The following MID1 variants were observed in gnomAD, a reference collection of about 807,000 sequenced individuals.
The protein encoded by MID1 is midline 1.
MID1 carries 7 observed loss-of-function variants against 40.4 expected under a neutral mutation model. That is an observed-to-expected ratio of 0.17 (90% CI 0.10 to 0.33). MID1 has a LOEUF of 0.33. MID1 is among the 10% of genes least tolerant of loss of function. MID1 has a pLI of 1.00. For missense variants in MID1, 367 were observed against 558.5 expected, an observed-to-expected ratio of 0.66 and a Z score of 3.46; for synonymous variants, 229 against 221.2, an observed-to-expected ratio of 1.04 and a Z score of -0.31.
chrX:10,750,657 T>A (rs1038527868), intron 1 of MID1, among the ~76,000 whole-genome samples: 3 of 108,918 alleles, frequency 2.8e-5, no homozygotes, highest in Non-Finnish European at 5.7e-5. Flanking sequence ...AAAATAAAAA[T>A]AAAATAAAAT....
In MID1 at chrX:10,766,193, G is replaced by A. The variant is rs190581565; in HGVS notation, c.-187+67361C>T. 5.9e-3 allele frequency among the ~76,000 whole-genome samples: 656 copies of A among 111,711 alleles called. 4 individuals are homozygous for A. Among genetic ancestry groups the A allele is most frequent in the African/African-American group, 0.02 (622 of 30,766 alleles). On this transcript the variant is annotated intron_variant, in intron 1 of 10. Transcript: ENST00000380785. ...GCCCCATCGGCTCTGCCTCTGTCTT[G>A]GGCAGACAGTTGGTCATCTCAAGCT...
At chrX:10,548,001 G>C (rs1933763465) in intron 2 of MID1, among the ~76,000 whole-genome samples, 1 of 112,044 alleles carries the variant, frequency 8.9e-6, no homozygotes, top group Non-Finnish European at 1.9e-5. Flanking sequence ...ACATTTGCCA[G>C]TACCTTCTAA....
At chrX:10,786,039 A>T (rs1223360094) in intron 1 of MID1, among the ~76,000 whole-genome samples, 1 of 111,666 alleles carries the variant, frequency 9.0e-6, no homozygotes. Context: ...CAACCTACAG[A>T]ATGGGAGAAA....
At chrX:10,661,185 G>A (rs2071937678) in intron 1 of MID1, among the ~76,000 whole-genome samples, 1 of 111,838 alleles carries the variant, frequency 8.9e-6, no homozygotes, top group African/African-American at 3.3e-5. Context: ...TGACAATACT[G>A]TGTCAAAGTC....
chrX:10,678,826 C>T (rs1399848023), intron 1 of MID1, among the ~76,000 whole-genome samples: 10 of 111,862 alleles, frequency 8.9e-5, no homozygotes, highest in African/African-American at 2.9e-4. Flanking sequence ...AAAACTACAC[C>T]GAAGTATAAT....
At chrX:10,815,769 T>C (rs1045420100) in intron 1 of MID1, among the ~76,000 whole-genome samples, 7 of 112,547 alleles carry the variant, frequency 6.2e-5, no homozygotes, top group Non-Finnish European at 1.1e-4. Flanking sequence ...TCTAAAGCCT[T>C]TCCTGACACG....
At chrX:10,777,487 A>G (rs1483428906) in intron 1 of MID1, among the ~76,000 whole-genome samples, 2 of 108,260 alleles carry the variant, frequency 1.8e-5, no homozygotes, top group African/African-American at 3.4e-5. Flanking sequence ...TTGAGCCACC[A>G]CACCAGGCCT....
chrX:10,600,048 C>T (rs895704386), intron 1 of MID1, among the ~76,000 whole-genome samples: 4 of 112,026 alleles, frequency 3.6e-5, no homozygotes, highest in African/African-American at 1.3e-4. Flanking sequence ...ACCCTAGGCC[C>T]CATGAAGGCA....
At chrX:10,464,626 A>G (rs1318907921) in intron 7 of MID1, among the ~76,000 whole-genome samples, 2 of 111,992 alleles carry the variant, frequency 1.8e-5, no homozygotes, top group African/African-American at 6.5e-5. Flanking sequence ...TCAGGGTGAG[A>G]GCAGACTTGA....
chrX:10,770,980 C>G (rs1479169342), intron 1 of MID1, among the ~76,000 whole-genome samples: 1 of 109,200 alleles, frequency 9.2e-6, no homozygotes, highest in Non-Finnish European at 1.9e-5. Flanking sequence ...GTGGCGGGCG[C>G]CTGTAATCCC....
chrX:10,795,158 T>C (rs1303228716), intron 1 of MID1, among the ~76,000 whole-genome samples: 1 of 111,805 alleles, frequency 8.9e-6, no homozygotes, highest in African/African-American at 3.3e-5. Flanking sequence ...AAATGTGACA[T>C]TCAAAAATGC....
chrX:10,650,437 A>G (rs770693881), intron 1 of MID1, among the ~76,000 whole-genome samples: 1 of 110,697 alleles, frequency 9.0e-6, no homozygotes, highest in Non-Finnish European at 1.9e-5. Flanking sequence ...TTCAGCCTAA[A>G]GTCCGGACCT....
intron 2 of MID1, among the ~76,000 whole-genome samples, chrX:10,534,236 T>C (rs1436948676): frequency 8.9e-6 from 1 of 112,042 alleles, no homozygotes; most frequent in Non-Finnish European, 1.9e-5. Flanking sequence ...TACTCACTAA[T>C]GAACATGTTC....
intron 1 of MID1, among the ~76,000 whole-genome samples, chrX:10,808,243 T>C (rs2025002774): frequency 8.9e-6 from 1 of 111,931 alleles, no homozygotes; most frequent in Non-Finnish European, 1.9e-5. Context: ...AGAATGATCC[T>C]ATGCTGTCCT....
At position 10,724,764 on chromosome X, in the gene MID1, T is replaced by C. The variant is rs1335548502; in HGVS notation, c.-186-104345A>G. ...TGTGGTTTTACTGTTTTATCTTAGT[T>C]ACCTTGGTTGATTTTGAGGTTTTAA... is the stretch of plus-strand genomic sequence containing the variant. On this transcript the variant is annotated intron_variant, in intron 1 of 10. Transcript: ENST00000380785. Among the ~76,000 whole-genome samples the C allele has an allele frequency of 5.3e-5, 6 of 112,783 alleles. No homozygotes were observed. The Admixed American group carries it at 5.6e-4, about 11-fold the overall frequency.
chrX:10,645,914 C>T (rs1329603848), intron 1 of MID1, among the ~76,000 whole-genome samples: 1 of 111,794 alleles, frequency 8.9e-6, no homozygotes, highest in African/African-American at 3.3e-5. Context: ...ATGGATGGGC[C>T]ACAGGAGCCT....
At chrX:10,578,739 C>T (rs1043776673) in intron 1 of MID1, among the ~76,000 whole-genome samples, 7 of 111,627 alleles carry the variant, frequency 6.3e-5, no homozygotes, top group East Asian at 2.8e-4. Flanking sequence ...GAGAGATGGC[C>T]ACACCTAGTC....
intron 1 of MID1, among the ~76,000 whole-genome samples, chrX:10,763,097 A>G (rs1356646051): frequency 1.8e-5 from 2 of 109,319 alleles, no homozygotes; most frequent in Admixed American, 9.7e-5. Flanking sequence ...GTAACATGCA[A>G]GCAACCATAG....
chrX:10,778,566 A>C (rs921568358), intron 1 of MID1, among the ~76,000 whole-genome samples: 2 of 112,411 alleles, frequency 1.8e-5, no homozygotes, highest in Non-Finnish European at 3.7e-5. Context: ...TAGAAAGATG[A>C]TCCTGGATTA....
Sources: allele counts gnomAD v4.1 joint callset (sites outside exome capture counted in the v4.1 genomes callset), GRCh38; gene constraint gnomAD v4.1.1; transcripts MANE v1.5; gene names NCBI Gene and HGNC (gene_info 2026-07-23, HGNC 2026-07-21).